CKMT2: variants seen among roughly 807,000 people sequenced by gnomAD.
CKMT2 encodes the protein creatine kinase S-type, mitochondrial.
CKMT2 carries 43 observed loss-of-function variants against 48.9 expected under a neutral mutation model. The ratio of observed to expected loss-of-function variants is 0.88; its 90% confidence interval spans 0.69 to 1.13. The LOEUF (loss-of-function observed/expected upper bound fraction) is 1.13. CKMT2 is among the 50% of genes most tolerant of loss of function. CKMT2 has a pLI of 0.00. For missense variants in CKMT2, 472 were observed against 555.4 expected, an observed-to-expected ratio of 0.85 and a Z score of 1.51; for synonymous variants, 206 against 213.0, an observed-to-expected ratio of 0.97 and a Z score of 0.29.
chr5:81,245,124 T>A (rs1756565083), intron 1 of CKMT2: 1 of 152,146 alleles, frequency 6.6e-6, no homozygotes, highest in Non-Finnish European at 1.5e-5. Flanking sequence ...CATCAACACA[T>A]GATGTAGGTC....
chr5:81,255,482 G>A lies in CKMT2; in HGVS notation c.669+268G>A, dbSNP rs575004597. On this transcript the variant is annotated intron_variant, in intron 5 of 9. Coordinates refer to ENST00000254035, the MANE Select transcript of CKMT2 (RefSeq NM_001099735.2). ...TGGAGATGGTGCCTGCGGTTAGGAG[G>A]GTGGAGATGAATGGAGGATCTCCTA... 2.6e-5 allele frequency among the ~76,000 whole-genome samples: 4 copies of A among 152,330 alleles called. No individual in the cohort carries two copies. The East Asian group carries it at 7.7e-4, about 29-fold the overall frequency.
At chr5:81,240,346 T>C (rs555688715) in intron 1 of CKMT2, among the ~76,000 whole-genome samples, 28 of 152,316 alleles carry the variant, frequency 1.8e-4, no homozygotes, top group Non-Finnish European at 3.8e-4. Flanking sequence ...CCAGGGAGGA[T>C]CTGAGGCAGC....
chr5:81,249,745 T>C (rs558451949), intron 1 of CKMT2, among the ~76,000 whole-genome samples: 4 of 152,350 alleles, frequency 2.6e-5, no homozygotes, highest in African/African-American at 9.6e-5. Flanking sequence ...TTTATCAATG[T>C]TTTTCACTCT....
rs1419738684 is a variant in CKMT2, at chr5:81,233,328, ACTT to A, written c.-66_-64del. 5.1e-6 allele frequency: 5 copies of A among 985,448 alleles called. No individual in the cohort carries two copies. Among genetic ancestry groups the A allele is most frequent in the Non-Finnish European group, 4.8e-6 (4 of 830,048 alleles). The allele number at this position is 985,448 out of a possible 1,614,324, so 61.0% of individuals were successfully genotyped here. ...GGCCCGACCAGCTCGCCCTGCATAC[ACTT>A]CTTGGCTGTGTGCGCTCAGCAGGAC... On this transcript the variant is annotated 5_prime_UTR_variant, in exon 1 of 10. Transcript: ENST00000254035.
intron 8 of CKMT2, 115 bp downstream of exon 8, chr5:81,259,369 A>G: frequency 1.1e-6 from 1 of 939,822 alleles, no homozygotes; most frequent in Non-Finnish European, 1.5e-6. Context: ...TCTATCTACA[A>G]TATAAAAATA....
At chr5:81,249,883 G>C (rs1756744696) in intron 1 of CKMT2, among the ~76,000 whole-genome samples, 1 of 152,144 alleles carries the variant, frequency 6.6e-6, no homozygotes, top group South Asian at 2.1e-4. Context: ...TAGGTAAACT[G>C]TCTTTTCTTT....
At chr5:81,257,642 A>C (rs570493534) in intron 6 of CKMT2, 91 bp from the exon 7 acceptor site, 139 of 1,152,752 alleles carry the variant, frequency 1.2e-4, no homozygotes, top group Non-Finnish European at 1.7e-4. Context: ...GGAAGGTGAA[A>C]TGAAGCAATC....
At chr5:81,259,086 T>G in intron 7 of CKMT2, 34 bp from the exon 8 acceptor site, 1 of 1,592,360 alleles carries the variant, frequency 6.3e-7, no homozygotes, top group Non-Finnish European at 8.6e-7. Flanking sequence ...TGTTGGAAAA[T>G]GCTGTCATTT....
intron 2 of CKMT2, chr5:81,252,105 CGA>C (rs1384004196): frequency 1.9e-5 from 3 of 158,640 alleles, no homozygotes; most frequent in African/African-American, 7.2e-5. Context: ...AGGAGTGGCA[CGA>C]GAGGGATGAA....
rs1185540630 is a variant in CKMT2, at chr5:81,255,079, A to C, written c.534A>C (p.Pro178=). The change falls in exon 5 of 10, where the codon CCA becomes CCC. Residue 178 remains proline, a synonymous_variant. Transcript: ENST00000254035. ...GCATCCGTGGGCTGAGCCTGCCTCC[A>C]GCCTGCACCCGGGCCGAGCGAAGGG... is the stretch of plus-strand genomic sequence containing the variant. ...GRSIRGLSLP[P]ACTRAERREV... The C allele has an allele frequency of 1.9e-6, 3 of 1,613,924 alleles. No individual in the cohort carries two copies. Among genetic ancestry groups the C allele is most frequent in the Non-Finnish European group, 2.5e-6 (3 of 1,180,016 alleles).
At position 81,263,634 on chromosome 5, in the gene CKMT2, T is replaced by G. The variant is rs1344919567; in HGVS notation, c.1140+18T>G. On this transcript the variant is annotated intron_variant, in intron 9 of 9. Transcript: ENST00000254035. The stretch of plus-strand genomic sequence containing the variant: ...GATCAGAGGTAACGTCTCTCTCACT[T>G]TCCTAACATGAACTAACAAAATCAG... 6.3e-7 allele frequency: 1 copy of G among 1,592,392 alleles called. No homozygotes were observed. The highest frequency in any genetic ancestry group is 8.6e-7 in the Non-Finnish European group (1 of 1,166,894).
At chr5:81,236,069 T>A (rs1756233996) in intron 1 of CKMT2, 1 of 152,114 alleles carries the variant, frequency 6.6e-6, no homozygotes, top group Non-Finnish European at 1.5e-5. Flanking sequence ...AGCACTAGAG[T>A]CAGAGTGGAG....
intron 7 of CKMT2, among the ~76,000 whole-genome samples, chr5:81,258,426 A>C (rs1277750806): frequency 6.6e-6 from 1 of 152,182 alleles, no homozygotes; most frequent in African/African-American, 2.4e-5. Flanking sequence ...ATGACAGAGA[A>C]TGTAGCCTGA....
intron 7 of CKMT2, 172 bp downstream of exon 7, chr5:81,258,028 T>G: frequency 2.0e-6 from 1 of 509,794 alleles, no homozygotes; most frequent in Non-Finnish European, 3.4e-6. Context: ...GCCTCTAGAG[T>G]AGCTGGGATT....
At chr5:81,263,662 TAA>T in intron 9 of CKMT2, 46 bp downstream of exon 9, 1 of 1,557,250 alleles carries the variant, frequency 6.4e-7, no homozygotes, top group Non-Finnish European at 8.7e-7. Flanking sequence ...AAAATCAGCC[TAA>T]GAGAGAATAG....
chr5:81,251,007 C>A (rs1047546673), intron 1 of CKMT2, 106 bp from the exon 2 acceptor site: 4 of 686,536 alleles, frequency 5.8e-6, no homozygotes, highest in Non-Finnish European at 9.6e-6. Flanking sequence ...ACAGAGACAC[C>A]GGAAAGAGAG....
chr5:81,251,617 A>C (rs895270465), intron 2 of CKMT2, among the ~76,000 whole-genome samples: 2 of 152,136 alleles, frequency 1.3e-5, no homozygotes, highest in African/African-American at 4.8e-5. Flanking sequence ...CAAAAACAAA[A>C]AAAAATCTTC....
At chr5:81,250,977 A>ACACACACACACACACG (rs67943397) in intron 1 of CKMT2, 136 bp from the exon 2 acceptor site, 2 of 671,836 alleles carry the variant, frequency 3.0e-6, no homozygotes, top group African/African-American at 1.8e-5. Context: ...ACACACACAC[A>ACACACACACACACACG]CAGAAAGAGA....
chr5:81,256,771 A>C (rs762984026), intron 5 of CKMT2, 144 bp from the exon 6 acceptor site: 2 of 564,236 alleles, frequency 3.5e-6, no homozygotes, highest in Non-Finnish European at 6.4e-6. Context: ...CTCCCAGGTT[A>C]TTCTAGTGGG....
Sources: allele counts gnomAD v4.1 joint callset (sites outside exome capture counted in the v4.1 genomes callset), GRCh38; gene constraint gnomAD v4.1.1; transcripts MANE v1.5; gene names NCBI Gene and HGNC (gene_info 2026-07-23, HGNC 2026-07-21).